The following NTRK3 variants were observed in gnomAD, a reference collection of about 807,000 sequenced individuals.
NTRK3 encodes neurotrophic receptor tyrosine kinase 3, also known as NT-3 growth factor receptor.
Under a neutral mutation model 91.7 loss-of-function variants are expected in NTRK3, and 24 were observed. The observed-to-expected ratio is 0.26, with a 90% confidence interval of 0.19 to 0.37. The LOEUF is 0.37. NTRK3 is among the 10% of genes least tolerant of loss of function. The pLI is 1.00. For synonymous variants in NTRK3, 483 were observed against 404.0 expected (o/e 1.20, Z -2.34); for missense variants, 880 against 1,068.9 (o/e 0.82, Z 2.46).
At chr15:88,155,805 CATCTATCT>C (rs71146401) in intron 5 of NTRK3, among the ~76,000 whole-genome samples, 4,041 of 150,652 alleles carry the variant, frequency 0.027, 100 homozygotes, top group African/African-American at 0.068. Context: ...TGTAATCTAT[CATCTATCT>C]ATCTATCTAT....
At chr15:88,169,185 T>A (rs2045280736) in intron 5 of NTRK3, among the ~76,000 whole-genome samples, 1 of 152,172 alleles carries the variant, frequency 6.6e-6, no homozygotes, top group South Asian at 2.1e-4. Flanking sequence ...GGTTTCTGCA[T>A]GGGCCTCACA....
At chr15:87,915,143 C>A (rs763556199) in intron 17 of NTRK3, among the ~76,000 whole-genome samples, 3 of 151,928 alleles carry the variant, frequency 2.0e-5, no homozygotes, top group Non-Finnish European at 4.4e-5. Flanking sequence ...CACCAGCACT[C>A]AAACCAACAG....
At chr15:88,010,612 G>A (rs560436401) in intron 14 of NTRK3, among the ~76,000 whole-genome samples, 2 of 152,104 alleles carry the variant, frequency 1.3e-5, no homozygotes, top group South Asian at 4.2e-4. Context: ...ATTCCTAAAA[G>A]CAATGTAATA....
chr15:88,247,422 AGT>A (rs2052947758), intron 3 of NTRK3, among the ~76,000 whole-genome samples: 2 of 152,276 alleles, frequency 1.3e-5, no homozygotes, highest in South Asian at 4.2e-4. Context: ...TCTGTAAAAC[AGT>A]GTTTGGCCCC....
At chr15:88,014,180 C>T (rs927488622) in intron 14 of NTRK3, among the ~76,000 whole-genome samples, 1 of 152,172 alleles carries the variant, frequency 6.6e-6, no homozygotes, top group Non-Finnish European at 1.5e-5. Flanking sequence ...ATTTCTGTGG[C>T]AATTACTGCA....
chr15:88,056,955 G>A lies in NTRK3; in HGVS notation c.1397-23910C>T, dbSNP rs542826409. On this transcript the variant is annotated intron_variant, in intron 13 of 18. Transcript: ENST00000394480. The stretch of plus-strand genomic sequence containing the variant: ...GGAGGCCGAGACGGGCGGATCACGA[G>A]GTCAGGAGATCGAGACCATCCTCGC... Among the ~76,000 whole-genome samples the A allele has an allele frequency of 7.9e-5, 12 of 152,086 alleles. No homozygotes were observed. The South Asian group carries it at 2.5e-3, about 32-fold the overall frequency.
intron 14 of NTRK3, among the ~76,000 whole-genome samples, chr15:88,005,196 C>T (rs914315439): frequency 4.6e-5 from 7 of 152,186 alleles, no homozygotes; most frequent in African/African-American, 1.7e-4. Flanking sequence ...TCTGGACACA[C>T]CCTGGTGCTG....
exon 19 of NTRK3, chr15:87,861,678 G>A (rs906797324): frequency 1.0e-5 from 2 of 195,206 alleles, no homozygotes; most frequent in African/African-American, 4.6e-5. Context: ...TTTGGTGTTT[G>A]TAGGGCATTT....
Position 87,973,264 on chromosome 15 carries a change from A to G in NTRK3, c.1586-32511T>C, listed in dbSNP as rs180945959. On this transcript the variant is annotated intron_variant, in intron 14 of 18. Coordinates refer to ENST00000394480, the Ensembl canonical transcript of NTRK3. ...TGCAGAAATCTCTTCCCTTATCAAG[A>G]TTTAATTTCAAGGGAAACTGGGGTC... Among the ~76,000 whole-genome samples the G allele has an allele frequency of 7.2e-4, 109 of 152,294 alleles. 1 individual carries two copies. Among genetic ancestry groups the G allele is most frequent in the Middle Eastern group, 3.4e-3 (1 of 294 alleles).
At chr15:88,072,307 A>C (rs977496477) in intron 13 of NTRK3, 4 of 187,600 alleles carry the variant, frequency 2.1e-5, no homozygotes, top group Non-Finnish European at 2.2e-5. Context: ...CCTGGCCCCA[A>C]ACATCCTTTT....
chr15:87,876,959 T>A, exon 19 of NTRK3: 1 of 1,613,800 alleles, frequency 6.2e-7, no homozygotes, highest in Non-Finnish European at 8.5e-7. Context: ...CCAGGTAGAT[T>A]GGGGTGGCCT....
intron 5 of NTRK3, among the ~76,000 whole-genome samples, chr15:88,155,258 G>A (rs1367829042): frequency 6.6e-6 from 1 of 152,216 alleles, no homozygotes; most frequent in African/African-American, 2.4e-5. Flanking sequence ...AGGGACCCAT[G>A]TGACTAATGA....
exon 19 of NTRK3, chr15:87,860,875 A>G (rs1196866721): frequency 1.4e-5 from 3 of 220,160 alleles, no homozygotes; most frequent in African/African-American, 6.7e-5. Flanking sequence ...GGATTAAAAT[A>G]AAGGGCATAA....
intron 13 of NTRK3, among the ~76,000 whole-genome samples, chr15:88,085,599 A>G (rs971873228): frequency 2.6e-5 from 4 of 152,178 alleles, no homozygotes; most frequent in African/African-American, 9.7e-5. Flanking sequence ...GGCACAAGAA[A>G]TAAATGCTTG....
intron 16 of NTRK3, among the ~76,000 whole-genome samples, 187 bp from the exon 17 acceptor site, chr15:87,929,621 C>G (rs1396927436): frequency 6.6e-6 from 1 of 152,192 alleles, no homozygotes. Flanking sequence ...GGGTGAAACT[C>G]CACAACCAGA....
chr15:87,880,274 G>A (rs754383313), exon 18 of NTRK3: 10 of 1,613,922 alleles, frequency 6.2e-6, no homozygotes, highest in African/African-American at 5.3e-5. Context: ...TTTTACCTCC[G>A]TGTTTGAGAG....
intron 13 of NTRK3, among the ~76,000 whole-genome samples, chr15:88,051,174 C>T (rs571511110): frequency 1.3e-5 from 2 of 152,330 alleles, no homozygotes; most frequent in Non-Finnish European, 2.9e-5. Flanking sequence ...TCTGCCACAC[C>T]TGTGCTCCAG....
intron 17 of NTRK3, among the ~76,000 whole-genome samples, chr15:87,919,142 T>A (rs1164800546): frequency 6.6e-6 from 1 of 152,040 alleles, no homozygotes; most frequent in Non-Finnish European, 1.5e-5. Flanking sequence ...AGATGAGAAA[T>A]GTCCACTTTA....
intron 13 of NTRK3, among the ~76,000 whole-genome samples, chr15:88,061,520 G>A (rs911374118): frequency 2.1e-4 from 32 of 152,318 alleles, no homozygotes; most frequent in African/African-American, 7.2e-4. Flanking sequence ...ACAGAGAAGC[G>A]GCACAGAGCA....
Sources: allele counts gnomAD v4.1 joint callset (sites outside exome capture counted in the v4.1 genomes callset), GRCh38; gene constraint gnomAD v4.1.1; transcripts MANE v1.5; gene names NCBI Gene and HGNC (gene_info 2026-07-23, HGNC 2026-07-21).